Variants in DSE observed in about 807,000 individuals in gnomAD.
The protein encoded by DSE is dermatan sulfate epimerase, also known as dermatan-sulfate epimerase.
A neutral mutation model predicts 84.4 loss-of-function variants in DSE; 36 were observed. The ratio of observed to expected loss-of-function variants is 0.43; its 90% confidence interval spans 0.33 to 0.56. DSE has a LOEUF of 0.56. Among genes scored for constraint, DSE ranks in the 20% least tolerant of loss-of-function variants. DSE has a pLI of 0.06. For missense variants in DSE, 862 were observed against 1,169.6 expected, an observed-to-expected ratio of 0.74 and a Z score of 3.84; for synonymous variants, 410 against 430.1, an observed-to-expected ratio of 0.95 and a Z score of 0.58.
upstream of DSE, among the ~76,000 whole-genome samples, chr6:116,368,731 G>A (rs549856521): frequency 5.7e-4 from 87 of 152,270 alleles, no homozygotes; most frequent in African/African-American, 2.0e-3. Context: ...TTCAATTCTT[G>A]GCATCAGGGT....
intron 1 of DSE, 45 bp from the exon 2 acceptor site, chr6:116,399,153 T>C (rs1354988350): frequency 3.3e-6 from 5 of 1,526,204 alleles, no homozygotes; most frequent in Non-Finnish European, 4.5e-6. Context: ...CTGTGCCATG[T>C]TCCCTTGGCT....
At chr6:116,369,348 G>A (rs1305595552), upstream of DSE, among the ~76,000 whole-genome samples, 13 of 152,088 alleles carry the variant, frequency 8.5e-5, no homozygotes, top group East Asian at 1.9e-4. Flanking sequence ...TAACACTTAC[G>A]GATTACATAA....
intron 2 of DSE, chr6:116,279,792 G>T (rs1435562802): frequency 6.2e-7 from 1 of 1,612,830 alleles, no homozygotes; most frequent in Non-Finnish European, 8.5e-7. Flanking sequence ...TGTGGGTTTG[G>T]AGGGGAGTGG....
exon 2 of DSE, chr6:116,258,967 G>A (rs1170246536): frequency 6.7e-7 from 1 of 1,495,918 alleles, no homozygotes; most frequent in East Asian, 2.3e-5. Context: ...TGCACTGTGA[G>A]GTAGGTACTT....
chr6:116,374,900 G>A (rs1256525127), intron 1 of DSE, among the ~76,000 whole-genome samples: 1 of 152,172 alleles, frequency 6.6e-6, no homozygotes, highest in Non-Finnish European at 1.5e-5. Context: ...CACATTGGAG[G>A]TAAAGTTTCA....
chr6:116,355,855 T>C (rs1778539306), intron 2 of DSE: 1 of 152,242 alleles, frequency 6.6e-6, no homozygotes, highest in African/African-American at 2.4e-5. Context: ...TTGCTCATTG[T>C]TCTTTAACAC....
Position 116,399,210 on chromosome 6 carries a change from A to G in DSE, c.-41A>G. The G allele has an allele frequency of 1.2e-6, 2 of 1,611,588 alleles. No individual in the cohort carries two copies. Among genetic ancestry groups the G allele is most frequent in the Non-Finnish European group, 1.7e-6 (2 of 1,179,796 alleles). Reference sequence around the variant, plus strand: ...TTATCTCACGTAGGATCTTTCGAAGATGGTTTGGCTGCCTTGGAGATTTGG... The same window carrying G: ...TTATCTCACGTAGGATCTTTCGAAGGTGGTTTGGCTGCCTTGGAGATTTGG... On this transcript the variant is annotated 5_prime_UTR_variant, in exon 2 of 6. It removes an upstream start codon present in the reference 5' UTR. Transcript: ENST00000644252.
Position 116,444,582 on chromosome 6 carries a change from T to A in DSE, c.*7237T>A, listed in dbSNP as rs1211994727. On this transcript the variant is annotated 3_prime_UTR_variant, in exon 6 of 6. Coordinates refer to ENST00000644252, the MANE Select transcript of DSE (RefSeq NM_013352.4). ...TGTTTGCCTCCTCTCAAAATTAATA[T>A]GTTGAAACCTAATCCTTAATGTGAT... 6 of 152,176 alleles carry A rather than the reference T, an allele frequency of 3.9e-5. No homozygotes were observed. The highest frequency in any genetic ancestry group is 2.6e-4 in the Admixed American group (4 of 15,274). The allele number at this position is 152,176 out of a possible 1,614,324, so 9.4% of individuals were successfully genotyped here.
intron 2 of DSE, among the ~76,000 whole-genome samples, chr6:116,318,990 G>A (rs1253924458): frequency 1.3e-5 from 2 of 151,994 alleles, no homozygotes; most frequent in Non-Finnish European, 2.9e-5. Flanking sequence ...TGAAACCATT[G>A]AAAAAAATGC....
rs570461681 is a variant in DSE at position 116,380,466 on chromosome 6, G to T, written c.-54+9345G>T. On this transcript the variant is annotated intron_variant, in intron 1 of 5. Coordinates refer to ENST00000644252, the MANE Select transcript of DSE (RefSeq NM_013352.4). Reference sequence around the variant, plus strand: ...AAGAGGGGGAATGAATTGGGTCTCAGAGGATTTTATACAAAAAAGAGGAAA... The same window carrying T: ...AAGAGGGGGAATGAATTGGGTCTCATAGGATTTTATACAAAAAAGAGGAAA... 3.3e-5 allele frequency among the ~76,000 whole-genome samples: 5 copies of T among 152,020 alleles called. No homozygotes were observed. The South Asian group carries it at 1.0e-3, about 32-fold the overall frequency.
chr6:116,336,519 G>A (rs1178278703), intron 2 of DSE, among the ~76,000 whole-genome samples: 1 of 152,188 alleles, frequency 6.6e-6, no homozygotes, highest in Non-Finnish European at 1.5e-5. Flanking sequence ...ACTTTGGGAG[G>A]CCGAGGCAGG....
At chr6:116,376,095 A>G (rs921248323) in intron 1 of DSE, among the ~76,000 whole-genome samples, 2 of 152,024 alleles carry the variant, frequency 1.3e-5, no homozygotes, top group African/African-American at 2.4e-5. Flanking sequence ...ACTACTCACT[A>G]CTCCTCATGA....
intron 1 of DSE, among the ~76,000 whole-genome samples, chr6:116,398,517 G>A (rs1335398774): frequency 3.3e-5 from 5 of 152,192 alleles, no homozygotes; most frequent in Non-Finnish European, 7.3e-5. Context: ...ATGAAGGCAT[G>A]TCAGTTTCTG....
intron 2 of DSE, among the ~76,000 whole-genome samples, chr6:116,420,502 G>A (rs1481561969): frequency 1.3e-5 from 2 of 152,188 alleles, no homozygotes; most frequent in Non-Finnish European, 2.9e-5. Flanking sequence ...ACAGTAAGAT[G>A]GCGGCGGCCT....
At chr6:116,351,716 A>C (rs900052005) in intron 2 of DSE, among the ~76,000 whole-genome samples, 1 of 152,222 alleles carries the variant, frequency 6.6e-6, no homozygotes, top group African/African-American at 2.4e-5. Flanking sequence ...TGATTTTAGA[A>C]ACTCAACTTT....
chr6:116,424,751 A>G (rs1188958129), intron 2 of DSE, among the ~76,000 whole-genome samples: 1 of 152,216 alleles, frequency 6.6e-6, no homozygotes, highest in Non-Finnish European at 1.5e-5. Flanking sequence ...GGGGAATTAA[A>G]TATTATTTTG....
chr6:116,414,316 C>G (rs1469054953), intron 2 of DSE, among the ~76,000 whole-genome samples: 2 of 152,200 alleles, frequency 1.3e-5, no homozygotes, highest in Non-Finnish European at 2.9e-5. Flanking sequence ...TGCATCATCT[C>G]TCTCTCACTC....
chr6:116,278,693 A>T, intron 2 of DSE: 1 of 1,614,164 alleles, frequency 6.2e-7, no homozygotes, highest in Non-Finnish European at 8.5e-7. Context: ...TCTGAAAACC[A>T]AGTGAAGAAG....
chr6:116,404,177 A>T (rs1282450391), intron 2 of DSE, among the ~76,000 whole-genome samples: 1 of 151,600 alleles, frequency 6.6e-6, no homozygotes, highest in Non-Finnish European at 1.5e-5. Flanking sequence ...ACTCCTCAGC[A>T]AATTCTTAGT....
Sources: gnomAD v4.1 joint callset for allele counts (sites outside exome capture counted in the v4.1 genomes callset) on GRCh38, gnomAD v4.1.1 for gene constraint, MANE v1.5 for transcripts, NCBI Gene and HGNC (gene_info 2026-07-23, HGNC 2026-07-21) for gene names.